TUBA4B: variants seen among roughly 807,000 people sequenced by gnomAD.
TUBA4B encodes the protein tubulin-like protein alpha-4B.
Under a neutral mutation model 18.4 loss-of-function variants are expected in TUBA4B, and 13 were observed. The observed-to-expected ratio is 0.71, with a 90% confidence interval of 0.46 to 1.12. The LOEUF is 1.12. Among genes scored for constraint, TUBA4B ranks in the 50% most tolerant of loss-of-function variants. The pLI is 0.00. For missense variants in TUBA4B, 244 were observed against 250.0 expected, an observed-to-expected ratio of 0.98 and a Z score of 0.16; for synonymous variants, 101 against 99.1, an observed-to-expected ratio of 1.02 and a Z score of -0.11.
intron 2 of TUBA4B, among the ~76,000 whole-genome samples, chr2:219,269,901 T>A (rs1951815174): frequency 6.6e-6 from 1 of 152,146 alleles, no homozygotes; most frequent in South Asian, 2.1e-4. Flanking sequence ...TCCTACTCCA[T>A]AACTGCAGAG....
intron 1 of TUBA4B, among the ~76,000 whole-genome samples, chr2:219,257,534 C>T (rs1951729038): frequency 6.8e-6 from 1 of 147,866 alleles, no homozygotes; most frequent in Non-Finnish European, 1.5e-5. Flanking sequence ...CCCAGCTACT[C>T]AGGAGGCTGA....
At chr2:219,253,925 T>G in intron 1 of TUBA4B, 1 of 1,228,362 alleles carries the variant, frequency 8.1e-7, no homozygotes, top group Non-Finnish European at 1.1e-6. Flanking sequence ...CTGCGCTAGC[T>G]GCAGTGCCGC....
chr2:219,271,323 C>A lies in TUBA4B; in HGVS notation c.350C>A (p.Ser117Tyr). ...GFSIYPAPQV[S>Y]TAMVQPYNSI... is the part of the protein sequence containing the mutation. ...TCCATCTACCCAGCCCCCCAGGTGTCTACAGCCATGGTCCAGCCCTACAAC... is the reference window on the plus strand; with the variant it reads ...TCCATCTACCCAGCCCCCCAGGTGTATACAGCCATGGTCCAGCCCTACAAC... Residue 117 changes from serine (S) to tyrosine (Y), a missense_variant, in exon 4 of 4, where the codon TCT (serine) becomes TAT (tyrosine). Physicochemically the swap from Ser to Tyr is moderately radical, Grantham distance 144. Coordinates refer to ENST00000490341, the MANE Select transcript of TUBA4B (RefSeq NM_001355221.1). The A allele has an allele frequency of 6.2e-7, 1 of 1,608,590 alleles. No homozygotes were observed. The highest frequency in any genetic ancestry group is 8.5e-7 in the Non-Finnish European group (1 of 1,175,014).
Position 219,253,251 on chromosome 2 carries a change from C to A in TUBA4B, c.-157C>A, listed in dbSNP as rs572432268. On this transcript the variant is annotated 5_prime_UTR_variant, in exon 1 of 4. Transcript: ENST00000490341. ...AGTGCTCAGCGCCAGCTGTCTCTGC[C>A]CATCCGCGCACCCGGGCTTCGGCTG... 2.0e-6 allele frequency: 3 copies of A among 1,494,086 alleles called. No individual in the cohort carries two copies. In the South Asian group the frequency reaches 3.9e-5, roughly 20 times the overall value. The allele number at this position is 1,494,086 out of a possible 1,614,324, so 92.6% of individuals were successfully genotyped here.
chr2:219,254,133 A>T lies in TUBA4B; in HGVS notation c.12+714A>T, dbSNP rs886601796. 1.9e-4 allele frequency: 75 copies of T among 387,682 alleles called. 1 individual carries two copies. Among genetic ancestry groups the T allele is most frequent in the Admixed American group, 2.2e-4 (5 of 22,856 alleles). 24.0% of individuals were successfully genotyped at this position (387,682 alleles called of 1,614,324 possible). On this transcript the variant is annotated intron_variant, in intron 1 of 3. Coordinates refer to ENST00000490341, the MANE Select transcript of TUBA4B (RefSeq NM_001355221.1). ...ATTAAGAGTCGCGATTCGGGCTTTA[A>T]CCATTCTTTCCTCGTTTTGAGCAGA...
At chr2:219,262,203 C>T (rs960891194) in intron 1 of TUBA4B, among the ~76,000 whole-genome samples, 7 of 152,126 alleles carry the variant, frequency 4.6e-5, no homozygotes, top group South Asian at 4.1e-4. Context: ...CCCAGCAACT[C>T]GGGAGGCTGA....
intron 2 of TUBA4B, among the ~76,000 whole-genome samples, chr2:219,268,210 G>A (rs914911741): frequency 6.7e-6 from 1 of 148,868 alleles, no homozygotes; most frequent in Admixed American, 6.9e-5. Flanking sequence ...CTGGGTTCAA[G>A]CAATTCTCCT....
chr2:219,271,936 C>T lies in TUBA4B; in HGVS notation c.*237C>T. The T allele has an allele frequency of 6.8e-7, 1 of 1,473,546 alleles. No individual in the cohort carries two copies. The highest frequency in any genetic ancestry group is 1.7e-4 in the Middle Eastern group (1 of 5,786). The allele number at this position is 1,473,546 out of a possible 1,614,324, so 91.3% of individuals were successfully genotyped here. A position where few individuals can be genotyped will look rare whatever the true frequency, so the allele number is the denominator to read the frequency against. On this transcript the variant is annotated 3_prime_UTR_variant, in exon 4 of 4. Coordinates refer to ENST00000490341, the MANE Select transcript of TUBA4B (RefSeq NM_001355221.1). ...ATGTGCATGCTGAGCAACATGACAG[C>T]CATCACTATGGCCTGGGCCCGCCTG...
chr2:219,253,421 T>A lies in TUBA4B; in HGVS notation c.12+2T>A, dbSNP rs1217940277. On this transcript the variant is annotated splice_donor_variant, in intron 1 of 3. Transcript: ENST00000490341. LOFTEE classifies it high-confidence loss of function. ...GAGGAAAGGGGGATGCGGCACCAGG[T>A]AACCTGACCCCTTCCACCTTCTAGC... The A allele has an allele frequency of 6.6e-7, 1 of 1,520,062 alleles. No individual in the cohort carries two copies. Among genetic ancestry groups the A allele is most frequent in the Non-Finnish European group, 8.8e-7 (1 of 1,132,776 alleles). The allele number at this position is 1,520,062 out of a possible 1,614,324, so 94.2% of individuals were successfully genotyped here. A position where few individuals can be genotyped will look rare whatever the true frequency, so the allele number is the denominator to read the frequency against.
chr2:219,264,059 C>T (rs1271454498), intron 1 of TUBA4B, among the ~76,000 whole-genome samples: 3 of 152,194 alleles, frequency 2.0e-5, no homozygotes, highest in African/African-American at 7.2e-5. Context: ...GGGCCCCCAG[C>T]GGATGCCTGA....
At chr2:219,266,124 G>A (rs57814743) in intron 1 of TUBA4B, 12,461 of 178,112 alleles carry the variant, frequency 0.07, 1,204 homozygotes, top group African/African-American at 0.23. Flanking sequence ...ACAGCCCTCA[G>A]CAACCCTAGG....
chr2:219,266,714 ATGTGGC>A, intron 2 of TUBA4B, 148 bp downstream of exon 2: 1 of 620,348 alleles, frequency 1.6e-6, no homozygotes, highest in South Asian at 1.8e-5. Context: ...AGACTTCCAG[ATGTGGC>A]TGTGGCCCCC....
intron 1 of TUBA4B, among the ~76,000 whole-genome samples, chr2:219,259,318 T>TAAAAA (rs35321348): frequency 9.5e-5 from 7 of 73,874 alleles, no homozygotes; most frequent in East Asian, 3.7e-4. Context: ...AGACTCTGTC[T>TAAAAA]AAAAAAAAAA....
chr2:219,267,937 T>G (rs1269970763), intron 2 of TUBA4B, among the ~76,000 whole-genome samples: 2 of 152,014 alleles, frequency 1.3e-5, no homozygotes, highest in African/African-American at 4.8e-5. Flanking sequence ...AGAGACACCT[T>G]GCATGGGCTA....
intron 1 of TUBA4B, among the ~76,000 whole-genome samples, chr2:219,261,526 CA>C (rs1390651722): frequency 2.0e-5 from 3 of 152,206 alleles, no homozygotes; most frequent in Non-Finnish European, 2.9e-5. Context: ...GGTGAATACT[CA>C]AATAAAATCA....
intron 1 of TUBA4B, 144 bp from the exon 2 acceptor site, chr2:219,266,375 ACT>A: frequency 1.7e-6 from 1 of 603,962 alleles, no homozygotes; most frequent in Non-Finnish European, 3.0e-6. Context: ...CTTGCCTCGT[ACT>A]CTGTGACCAA....
chr2:219,271,918 T>A lies in TUBA4B; in HGVS notation c.*219T>A. ...GGTAAAGTGCAACGTGCCATGTGCA[T>A]GCTGAGCAACATGACAGCCATCACT... is the stretch of plus-strand genomic sequence containing the variant. On this transcript the variant is annotated 3_prime_UTR_variant, in exon 4 of 4. Coordinates refer to ENST00000490341, the MANE Select transcript of TUBA4B (RefSeq NM_001355221.1). The A allele has an allele frequency of 1.4e-6, 2 of 1,451,454 alleles. No individual in the cohort carries two copies. Among genetic ancestry groups the A allele is most frequent in the East Asian group, 4.5e-5 (2 of 44,072 alleles). 89.9% of individuals were successfully genotyped at this position (1,451,454 alleles called of 1,614,324 possible).
At chr2:219,269,979 G>A (rs1023955716) in intron 2 of TUBA4B, among the ~76,000 whole-genome samples, 3 of 152,122 alleles carry the variant, frequency 2.0e-5, no homozygotes, top group African/African-American at 7.2e-5. Flanking sequence ...CAGAATCACT[G>A]TTACTCAGCT....
chr2:219,272,010 T>TA lies in TUBA4B; in HGVS notation c.*312dup. On this transcript the variant is annotated 3_prime_UTR_variant, in exon 4 of 4. Transcript: ENST00000490341. ...TGCCAAGAGGGCGTTTGGGCACTGA[T>TA]ATGTGGGTGAGGGCATGGAGGAGGG... 3.3e-6 allele frequency: 5 copies of TA among 1,512,222 alleles called. No homozygotes were observed. The South Asian group carries it at 5.6e-5, about 17-fold the overall frequency. The allele number at this position is 1,512,222 out of a possible 1,614,324, so 93.7% of individuals were successfully genotyped here. A position where few individuals can be genotyped will look rare whatever the true frequency, so the allele number is the denominator to read the frequency against.
Sources: gnomAD v4.1 joint callset for allele counts (sites outside exome capture counted in the v4.1 genomes callset) on GRCh38, gnomAD v4.1.1 for gene constraint, MANE v1.5 for transcripts, NCBI Gene and HGNC (gene_info 2026-07-23, HGNC 2026-07-21) for gene names.